Variants in PPIP5K1 observed in about 807,000 individuals in gnomAD.
PPIP5K1 encodes diphosphoinositol pentakisphosphate kinase 1, also known as inositol hexakisphosphate and diphosphoinositol-pentakisphosphate kinase 1.
PPIP5K1 carries 6 observed loss-of-function variants against 27.7 expected under a neutral mutation model. The ratio of observed to expected loss-of-function variants is 0.22; its 90% CI spans 0.12 to 0.43. The LOEUF (loss-of-function observed/expected upper bound fraction) is 0.43, where lower values mean the gene tolerates loss of function less well. Among genes scored for constraint, PPIP5K1 ranks in the 20% least tolerant of loss-of-function variants. The pLI is 1.00. For missense variants in PPIP5K1, 394 were observed against 635.4 expected (o/e 0.62, Z 4.08); for synonymous variants, 145 against 242.6 (o/e 0.60, Z 3.74).
intron 30 of PPIP5K1, among the ~76,000 whole-genome samples, chr15:43,545,910 A>C (rs930442674): frequency 7.2e-5 from 11 of 152,166 alleles, no homozygotes; most frequent in Non-Finnish European, 1.3e-4. Context: ...ACCCCAGAAG[A>C]AACCCCATAT....
Position 43,534,924 on chromosome 15 carries a change from T to C in PPIP5K1, c.4223A>G (p.His1408Arg), listed in dbSNP as rs139237891. 18 of 1,614,082 alleles carry C rather than the reference T, an allele frequency of 1.1e-5. No individual in the cohort carries two copies. In the South Asian group the frequency reaches 1.6e-4, roughly 15 times the overall value. The change falls in exon 32 of 32, where the codon CAT (histidine) becomes CGT (arginine). Residue 1408 changes from histidine (H) to arginine (R), a missense_variant. Physicochemically the swap from His to Arg is conservative, Grantham distance 29. Around this residue, in one of 4 missense-constraint regions of PPIP5K1, gnomAD observed 379 missense variants for 423.9 expected, o/e 0.89. Transcript: ENST00000420765. ...GCTACCAACCCCTACATGGAACTTA[T>C]GGACCAGCTTGCCAACCTCCACAGA... ...GVSVEVGKLV[H>R]KFHVGVGSLV...
chr15:43,540,742 C>G (rs1459186301), intron 30 of PPIP5K1, among the ~76,000 whole-genome samples: 1 of 150,994 alleles, frequency 6.6e-6, no homozygotes, highest in South Asian at 2.1e-4. Context: ...TGACTGTAAT[C>G]CCAGCTATTT....
intron 30 of PPIP5K1, among the ~76,000 whole-genome samples, chr15:43,549,027 CAAAAAAAAAAAAA>C (rs1160828750): frequency 3.8e-4 from 11 of 28,672 alleles, no homozygotes; most frequent in African/African-American, 1.1e-3. Context: ...GACTCCATCT[CAAAAAAAAAAAAA>C]AAAAAAAAAA....
rs774666369 is a variant in PPIP5K1, at chr15:43,534,826, G to C, written c.4321C>G (p.Gln1441Glu). ...CTGCCAACCTCCACAGAGAACTCCT[G>C]GTATGGCTGGATGACCTCCTCAGGG... The part of the protein sequence containing the change: ...EIPEEVIQPY[Q>E]EFSVEVGRLA... Residue 1441 changes from glutamine to glutamate, a missense_variant, in exon 32 of 32, where the codon CAG (glutamine) becomes GAG (glutamate). Gln to Glu is a conservative substitution (Grantham distance 29, BLOSUM62 2). This residue lies in a region of PPIP5K1 where 379 missense variants were observed against 423.9 expected (regional missense o/e 0.89). Transcript: ENST00000420765. The C allele has an allele frequency of 6.2e-7, 1 of 1,611,812 alleles. No homozygotes were observed. The highest frequency in any genetic ancestry group is 1.1e-5 in the South Asian group (1 of 90,794).
At chr15:43,549,363 G>A (rs985196114) in intron 30 of PPIP5K1, among the ~76,000 whole-genome samples, 1 of 151,970 alleles carries the variant, frequency 6.6e-6, no homozygotes, top group African/African-American at 2.4e-5. Flanking sequence ...TTCATTGCTG[G>A]TGTATATAAA....
chr15:43,557,069 T>C (rs929486994), intron 30 of PPIP5K1, among the ~76,000 whole-genome samples: 10 of 152,210 alleles, frequency 6.6e-5, no homozygotes, highest in African/African-American at 2.2e-4. Flanking sequence ...CCGATCCATA[T>C]GGAGTTTATC....
At chr15:43,556,494 G>A (rs770773831) in intron 30 of PPIP5K1, among the ~76,000 whole-genome samples, 11 of 150,756 alleles carry the variant, frequency 7.3e-5, no homozygotes, top group African/African-American at 2.2e-4. Context: ...AAAATTAGCC[G>A]GGCATGGTGG....
Position 43,534,559 on chromosome 15 carries a change from G to T in PPIP5K1, c.*115C>A, listed in dbSNP as rs1347763517. 1.1e-6 allele frequency: 1 copy of T among 892,314 alleles called. No individual in the cohort carries two copies. Among genetic ancestry groups the T allele is most frequent in the Non-Finnish European group, 1.7e-6 (1 of 594,492 alleles). The allele number at this position is 892,314 out of a possible 1,614,324, so 55.3% of individuals were successfully genotyped here. A position where few individuals can be genotyped will look rare whatever the true frequency, so the allele number is the denominator to read the frequency against. Reference sequence around the variant, plus strand: ...CATGTTGCTGGTGGAAGGGGTGAGTGCTGGTCATGGGCTAGAGACTGGCTC... The same window carrying T: ...CATGTTGCTGGTGGAAGGGGTGAGTTCTGGTCATGGGCTAGAGACTGGCTC... On this transcript the variant is annotated 3_prime_UTR_variant, in exon 32 of 32. Transcript: ENST00000420765.
chr15:43,548,095 C>T (rs539960377), intron 30 of PPIP5K1, among the ~76,000 whole-genome samples: 2 of 151,924 alleles, frequency 1.3e-5, no homozygotes, highest in Non-Finnish European at 2.9e-5. Flanking sequence ...TGCATCACCA[C>T]ACCCAGCTAA....
chr15:43,558,216 T>C (rs1005444512), intron 30 of PPIP5K1, among the ~76,000 whole-genome samples: 1 of 146,874 alleles, frequency 6.8e-6, no homozygotes, highest in Non-Finnish European at 1.5e-5. Flanking sequence ...ACCAACATGC[T>C]CAGCTAATGT....
At chr15:43,540,651 C>G (rs1188626462) in intron 30 of PPIP5K1, among the ~76,000 whole-genome samples, 1 of 150,364 alleles carries the variant, frequency 6.7e-6, no homozygotes, top group Non-Finnish European at 1.5e-5. Flanking sequence ...GAGCCGAGAT[C>G]GCATCATTGC....
intron 30 of PPIP5K1, among the ~76,000 whole-genome samples, chr15:43,551,872 G>C (rs2082250150): frequency 6.6e-6 from 1 of 151,868 alleles, no homozygotes; most frequent in South Asian, 2.1e-4. Context: ...CAAAGTGCTG[G>C]GATTACAGGC....
chr15:43,534,980 G>T lies in PPIP5K1; in HGVS notation c.4167C>A (p.Ser1389=). Residue 1389 remains serine (S), a synonymous_variant, in exon 32 of 32, where the codon TCC becomes TCA. Transcript: ENST00000420765. ...CCTGGCATGGCTGGCTGACCTCCTC[G>T]GAGTTCTCCAGACATAGCTGGCAAA... ...EEVCQLCLEN[S]EEVSQPCQGV... 1 of 1,613,960 alleles carries T rather than the reference G, an allele frequency of 6.2e-7. No homozygotes were observed. Among genetic ancestry groups the T allele is most frequent in the Non-Finnish European group, 8.5e-7 (1 of 1,180,004 alleles).
intron 30 of PPIP5K1, among the ~76,000 whole-genome samples, chr15:43,558,518 G>T (rs907986458): frequency 6.6e-6 from 1 of 152,058 alleles, no homozygotes; most frequent in Non-Finnish European, 1.5e-5. Flanking sequence ...GAGCCACTGC[G>T]CCCGGCCTTA....
At chr15:43,540,769 A>C (rs1314873741) in intron 30 of PPIP5K1, among the ~76,000 whole-genome samples, 1 of 149,874 alleles carries the variant, frequency 6.7e-6, no homozygotes, top group Non-Finnish European at 1.5e-5. Flanking sequence ...CTGAGGCATG[A>C]GAATCACTTG....
In PPIP5K1 at chr15:43,552,536, AAAAAAAAAAG is replaced by A. The variant is rs1369589386; in HGVS notation, c.3556+6249_3556+6258del. On this transcript the variant is annotated intron_variant, in intron 30 of 31. Transcript: ENST00000420765. ...GTGAAACTCTGTCTCTATAAAAAAAAAAAAAAAAAGAAAAAAAAAAGAAAAAAGCAAAAAT... is the reference window on the plus strand; with the variant it reads ...GTGAAACTCTGTCTCTATAAAAAAAAAAAAAAAAAAGAAAAAAGCAAAAAT... Among the ~76,000 whole-genome samples, 851 of 149,382 alleles carry A rather than the reference AAAAAAAAAAG, an allele frequency of 5.7e-3. 15 individuals are homozygous for A. Among genetic ancestry groups the A allele is most frequent in the East Asian group, 0.048 (243 of 5,082 alleles).
intron 1 of PPIP5K1, among the ~76,000 whole-genome samples, chr15:43,586,708 T>A (rs1359946250): frequency 2.4e-5 from 2 of 82,270 alleles, no homozygotes; most frequent in African/African-American, 4.0e-5. Flanking sequence ...ATAATGATGA[T>A]AATAATAATA....
intron 30 of PPIP5K1, among the ~76,000 whole-genome samples, chr15:43,549,056 A>AAATATAT (rs1567039538): frequency 5.5e-5 from 3 of 54,290 alleles, no homozygotes; most frequent in Admixed American, 5.3e-4. Flanking sequence ...AAAAAAAAAA[A>AAATATAT]ATATATATAT....
rs762604394 is a variant in PPIP5K1, at chr15:43,535,027, A to G, written c.4120T>C (p.Cys1374Arg). ...SQPCQKSSQLCQKVSEEVCQL... is the reference protein window; with the variant it reads ...SQPCQKSSQLRQKVSEEVCQL... ...CAAACTTCCTCAGAGACTTTCTGGCACAGTTGGCTGGACTTCTGGCATGGC... is the reference window on the plus strand; with the variant it reads ...CAAACTTCCTCAGAGACTTTCTGGCGCAGTTGGCTGGACTTCTGGCATGGC... Residue 1374 changes from cysteine to arginine, a missense_variant, in exon 32 of 32, where the codon TGC becomes CGC. Cys to Arg is a radical substitution (Grantham distance 180). Coordinates refer to ENST00000420765, the MANE Select transcript of PPIP5K1 (RefSeq NM_001394395.1). 1.9e-6 allele frequency: 3 copies of G among 1,612,994 alleles called. No individual in the cohort carries two copies. Among genetic ancestry groups the G allele is most frequent in the Non-Finnish European group, 1.7e-6 (2 of 1,179,744 alleles).
Sources: gnomAD v4.1 joint callset for allele counts (sites outside exome capture counted in the v4.1 genomes callset) on GRCh38, gnomAD v4.1.1 for gene constraint, gnomAD v4.1.1 regional missense constraint, MANE v1.5 for transcripts, NCBI Gene and HGNC (gene_info 2026-07-23, HGNC 2026-07-21) for gene names.